The following RIT2 variants were observed in gnomAD, a reference collection of about 807,000 sequenced individuals.
RIT2 encodes Ras like without CAAX 2, also known as GTP-binding protein Rit2.
RIT2 carries 24 observed loss-of-function variants against 23.7 expected under a neutral mutation model. The observed-to-expected ratio is 1.01, with a 90% CI of 0.73 to 1.43. The LOEUF (loss-of-function observed/expected upper bound fraction) is 1.43, where lower values mean the gene tolerates loss of function less well. Among genes scored for constraint, RIT2 ranks in the 40% most tolerant of loss-of-function variants. The pLI, the probability that RIT2 is intolerant of heterozygous loss-of-function variation, is 0.00. For synonymous variants in RIT2, 107 were observed against 91.1 expected, an observed-to-expected ratio of 1.17 and a Z score of -0.99; for missense variants, 236 against 266.9, an observed-to-expected ratio of 0.88 and a Z score of 0.81.
intron 2 of RIT2, among the ~76,000 whole-genome samples, chr18:43,023,641 T>C (rs1012272258): frequency 1.3e-5 from 2 of 152,126 alleles, no homozygotes; most frequent in Admixed American, 1.3e-4. Context: ...ATAAGTACTT[T>C]AGTTATTCAC....
At chr18:43,025,501 T>G (rs1911695722) in intron 2 of RIT2, among the ~76,000 whole-genome samples, 2 of 152,074 alleles carry the variant, frequency 1.3e-5, no homozygotes, top group African/African-American at 4.8e-5. Context: ...TGCAGCACTA[T>G]TCACAATAGC....
intron 2 of RIT2, among the ~76,000 whole-genome samples, chr18:42,991,770 G>C (rs901245193): frequency 2.0e-4 from 31 of 151,586 alleles, no homozygotes; most frequent in African/African-American, 7.3e-4. Flanking sequence ...CCCCACTCCT[G>C]CCTGCCAGAG....
At chr18:42,766,333 G>A (rs1282762774) in intron 4 of RIT2, among the ~76,000 whole-genome samples, 1 of 152,128 alleles carries the variant, frequency 6.6e-6, no homozygotes, top group South Asian at 2.1e-4. Flanking sequence ...TGGAGATGAG[G>A]AATTTGTTGG....
intron 4 of RIT2, among the ~76,000 whole-genome samples, chr18:42,861,154 A>C (rs748540551): frequency 6.6e-6 from 1 of 152,244 alleles, no homozygotes; most frequent in Non-Finnish European, 1.5e-5. Flanking sequence ...GTTAGGACTC[A>C]ATAGCTTAAA....
chr18:42,839,471 T>C (rs1906705868), intron 4 of RIT2, among the ~76,000 whole-genome samples: 1 of 152,182 alleles, frequency 6.6e-6, no homozygotes, highest in African/African-American at 2.4e-5. Flanking sequence ...GTGCAGATGG[T>C]TAATATCACA....
chr18:42,908,182 G>A (rs1436945363), intron 4 of RIT2, among the ~76,000 whole-genome samples: 7 of 150,526 alleles, frequency 4.7e-5, no homozygotes, highest in African/African-American at 1.7e-4. Context: ...ATAGTAGAGT[G>A]GAAAAGACAC....
At chr18:42,958,292 G>A (rs950372205) in intron 3 of RIT2, among the ~76,000 whole-genome samples, 4 of 152,226 alleles carry the variant, frequency 2.6e-5, no homozygotes, top group African/African-American at 9.6e-5. Flanking sequence ...AAAATGTAGG[G>A]TCTTGATCTG....
At position 42,857,275 on chromosome 18, in the gene RIT2, A is replaced by G. The variant is rs367697655; in HGVS notation, c.426+66297T>C. On this transcript the variant is annotated intron_variant, in intron 4 of 4. Transcript: ENST00000326695. ...ATATCTGTAGCTTTATAGTTGAGAA[A>G]TACTGAACTAAAACTTCTCTAAGAT... 5.3e-5 allele frequency among the ~76,000 whole-genome samples: 8 copies of G among 152,338 alleles called. No homozygotes were observed. The East Asian group carries it at 1.5e-3, about 29-fold the overall frequency.
Position 42,961,778 on chromosome 18 carries a change from C to G in RIT2, c.234+12296G>C, listed in dbSNP as rs187346541. ...CCATATGAAAACAGCAATCATTTTT[C>G]TTTAACCACCACAACTACTAAGATG... On this transcript the variant is annotated intron_variant, in intron 3 of 4. Transcript: ENST00000326695. Among the ~76,000 whole-genome samples the G allele has an allele frequency of 5.1e-3, 776 of 152,306 alleles. 11 individuals carry two copies. The highest frequency in any genetic ancestry group is 8.1e-3 in the South Asian group (39 of 4,824).
chr18:42,888,228 G>C (rs931201525), intron 4 of RIT2, among the ~76,000 whole-genome samples: 2 of 151,800 alleles, frequency 1.3e-5, no homozygotes, highest in Non-Finnish European at 2.9e-5. Flanking sequence ...GATTTTAATT[G>C]TGTGGGGGAA....
chr18:43,032,235 G>A (rs927261840), intron 2 of RIT2, among the ~76,000 whole-genome samples: 7 of 151,976 alleles, frequency 4.6e-5, no homozygotes, highest in Admixed American at 4.6e-4. Flanking sequence ...AACTAAAGGA[G>A]ACATCATCAT....
chr18:43,057,853 G>A (rs1912545918), intron 1 of RIT2, among the ~76,000 whole-genome samples: 1 of 144,348 alleles, frequency 6.9e-6, no homozygotes. Flanking sequence ...AAATGGCTTG[G>A]GCCAAGAAAT....
rs550285834 is a variant in RIT2, at chr18:43,062,269, T to C, written c.104-28402A>G. On this transcript the variant is annotated intron_variant, in intron 1 of 4. Coordinates refer to ENST00000326695, the MANE Select transcript of RIT2 (RefSeq NM_002930.4). ...AAGTATTATGACAACCCTCACGATT[T>C]CCTTAAAAAATTGAGAGTAAATGTC... is the stretch of plus-strand genomic sequence containing the variant. 2.6e-5 allele frequency among the ~76,000 whole-genome samples: 4 copies of C among 152,244 alleles called. No individual in the cohort carries two copies. In the East Asian group the frequency reaches 7.8e-4, roughly 30 times the overall value.
At chr18:42,935,478 C>T (rs1909431517) in intron 3 of RIT2, among the ~76,000 whole-genome samples, 1 of 152,074 alleles carries the variant, frequency 6.6e-6, no homozygotes, top group Non-Finnish European at 1.5e-5. Flanking sequence ...TTAACAGCTA[C>T]GAAGCTCTGG....
chr18:42,776,222 C>A (rs1387925406), intron 4 of RIT2, among the ~76,000 whole-genome samples: 1 of 152,224 alleles, frequency 6.6e-6, no homozygotes, highest in East Asian at 1.9e-4. Context: ...ATCAAAAGAG[C>A]AAAGACACCT....
chr18:43,084,843 C>T (rs1464030599), intron 1 of RIT2, among the ~76,000 whole-genome samples: 1 of 152,094 alleles, frequency 6.6e-6, no homozygotes, highest in Non-Finnish European at 1.5e-5. Context: ...CACATGTATA[C>T]CTATGTAACA....
chr18:42,782,636 A>G (rs1293205779), intron 4 of RIT2, among the ~76,000 whole-genome samples: 1 of 152,150 alleles, frequency 6.6e-6, no homozygotes, highest in African/African-American at 2.4e-5. Context: ...TGCAGGCTAG[A>G]AAATAAAAGT....
At chr18:42,806,386 T>G (rs1278187154) in intron 4 of RIT2, among the ~76,000 whole-genome samples, 7 of 151,904 alleles carry the variant, frequency 4.6e-5, no homozygotes, top group Non-Finnish European at 1.0e-4. Flanking sequence ...GGAGAATCAC[T>G]TGAATCCGGG....
chr18:42,951,413 C>T lies in RIT2; in HGVS notation c.234+22661G>A, dbSNP rs576723190. 9.9e-5 allele frequency among the ~76,000 whole-genome samples: 15 copies of T among 151,690 alleles called. No homozygotes were observed. In the South Asian group the frequency reaches 2.7e-3, roughly 27 times the overall value. On this transcript the variant is annotated intron_variant, in intron 3 of 4. Transcript: ENST00000326695. ...ACATAAAGATACCAACAGTAGATAC[C>T]GGGGACTGCTAAAAGAGGAGGGATG...
Sources: allele counts gnomAD v4.1 joint callset (sites outside exome capture counted in the v4.1 genomes callset), GRCh38; gene constraint gnomAD v4.1.1; transcripts MANE v1.5; gene names NCBI Gene and HGNC (gene_info 2026-07-23, HGNC 2026-07-21).